Variants in FGF12 observed in about 807,000 individuals in gnomAD.
FGF12 encodes the protein fibroblast growth factor 12, also known as fibroblast growth factor 12B.
In FGF12, 14 loss-of-function variants were observed where a neutral mutation model predicts 23.6. That is an observed-to-expected ratio of 0.59 (90% confidence interval 0.39 to 0.93). FGF12 has a LOEUF of 0.93. Among genes scored for constraint, FGF12 ranks in the 40% least tolerant of loss-of-function variants. FGF12 has a pLI of 0.00. For missense variants in FGF12, 175 were observed against 217.8 expected, an observed-to-expected ratio of 0.80 and a Z score of 1.24; for synonymous variants, 62 against 77.3, an observed-to-expected ratio of 0.80 and a Z score of 1.04.
intron 2 of FGF12, among the ~76,000 whole-genome samples, chr3:192,590,615 T>C (rs1433527625): frequency 1.3e-5 from 2 of 151,934 alleles, no homozygotes; most frequent in Non-Finnish European, 2.9e-5. Flanking sequence ...TATTTCTACA[T>C]CCATCTTTAA....
At chr3:192,327,515 A>G (rs1716880671) in intron 4 of FGF12, among the ~76,000 whole-genome samples, 1 of 151,938 alleles carries the variant, frequency 6.6e-6, no homozygotes, top group Admixed American at 6.6e-5. Context: ...TGGACAATAA[A>G]TAGTCTAAGT....
intron 2 of FGF12, among the ~76,000 whole-genome samples, chr3:192,439,933 G>A (rs371897634): frequency 2.5e-4 from 37 of 149,566 alleles, no homozygotes; most frequent in African/African-American, 4.0e-4. Flanking sequence ...CTGAGATCGC[G>A]CCACTGCATT....
At chr3:192,226,492 A>C (rs1366011537) in intron 4 of FGF12, among the ~76,000 whole-genome samples, 1 of 152,170 alleles carries the variant, frequency 6.6e-6, no homozygotes, top group Non-Finnish European at 1.5e-5. Context: ...ATAAGTAAGC[A>C]CACATCTATG....
intron 2 of FGF12, among the ~76,000 whole-genome samples, chr3:192,644,562 CTGT>C (rs1715930867): frequency 6.6e-6 from 1 of 152,124 alleles, no homozygotes; most frequent in South Asian, 2.1e-4. Flanking sequence ...ACCTAGGACA[CTGT>C]TGTTACTTCT....
At chr3:192,231,340 C>T (rs764869965) in intron 4 of FGF12, among the ~76,000 whole-genome samples, 2 of 151,924 alleles carry the variant, frequency 1.3e-5, no homozygotes, top group Non-Finnish European at 2.9e-5. Flanking sequence ...ACATCAACAA[C>T]GAGAAAAGAG....
chr3:192,466,482 T>C (rs956807704), intron 2 of FGF12, among the ~76,000 whole-genome samples: 1 of 152,162 alleles, frequency 6.6e-6, no homozygotes, highest in Non-Finnish European at 1.5e-5. Flanking sequence ...ACCTCTCAAA[T>C]GTATTTGCTG....
intron 2 of FGF12, among the ~76,000 whole-genome samples, chr3:192,717,674 C>T (rs932311733): frequency 2.6e-5 from 4 of 152,098 alleles, no homozygotes; most frequent in South Asian, 4.1e-4. Flanking sequence ...ATAATTCAAT[C>T]GTCATTATCC....
chr3:192,620,852 A>C (rs1176020673), intron 2 of FGF12, among the ~76,000 whole-genome samples: 1 of 152,138 alleles, frequency 6.6e-6, no homozygotes, highest in Non-Finnish European at 1.5e-5. Flanking sequence ...ATGGCAGCTC[A>C]CAAAGGAGAC....
intron 4 of FGF12, among the ~76,000 whole-genome samples, chr3:192,239,114 T>C (rs546639743): frequency 6.6e-6 from 1 of 152,332 alleles, no homozygotes; most frequent in East Asian, 1.9e-4. Context: ...GTGTAACATG[T>C]AGAAGTGTAC....
At chr3:192,349,676 C>T (rs1185282755) in intron 3 of FGF12, among the ~76,000 whole-genome samples, 1 of 152,034 alleles carries the variant, frequency 6.6e-6, no homozygotes, top group Non-Finnish European at 1.5e-5. Context: ...ATAGAATTCA[C>T]TTTTCCAGAC....
At position 192,405,871 on chromosome 3, in the gene FGF12, C is replaced by T. The variant is rs190638730; in HGVS notation, c.14-45333G>A. Among the ~76,000 whole-genome samples the T allele has an allele frequency of 2.6e-5, 4 of 152,324 alleles. No individual in the cohort carries two copies. In the East Asian group the frequency reaches 7.7e-4, roughly 29 times the overall value. On this transcript the variant is annotated intron_variant, in intron 2 of 5. Coordinates refer to ENST00000445105, the MANE Select transcript of FGF12 (RefSeq NM_004113.6). ...ATCATCTTCCCAAAATGTTTTTACA[C>T]ACACCACATGCCCATTCTTCTAAGC...
intron 2 of FGF12, among the ~76,000 whole-genome samples, chr3:192,531,647 T>C (rs1725092542): frequency 6.6e-6 from 1 of 152,230 alleles, no homozygotes; most frequent in Non-Finnish European, 1.5e-5. Flanking sequence ...ATACTTTTCT[T>C]AAAGGTGAAA....
At chr3:192,368,507 T>C (rs1443844840) in intron 2 of FGF12, among the ~76,000 whole-genome samples, 1 of 152,080 alleles carries the variant, frequency 6.6e-6, no homozygotes, top group African/African-American at 2.4e-5. Context: ...TAAGGATATC[T>C]AACAGAAATA....
chr3:192,586,658 C>G (rs1713385057), intron 2 of FGF12, among the ~76,000 whole-genome samples: 1 of 152,122 alleles, frequency 6.6e-6, no homozygotes, highest in Non-Finnish European at 1.5e-5. Flanking sequence ...AAGAAGCCAG[C>G]AAGGAAGGCT....
At chr3:192,253,040 G>T in intron 4 of FGF12, among the ~76,000 whole-genome samples, 1 of 152,050 alleles carries the variant, frequency 6.6e-6, no homozygotes, top group East Asian at 1.9e-4. Context: ...TGGATCCAGA[G>T]GTTATTTCTG....
intron 2 of FGF12, among the ~76,000 whole-genome samples, chr3:192,437,670 G>A (rs13319998): frequency 0.058 from 8,861 of 151,540 alleles, 315 homozygotes; most frequent in African/African-American, 0.096. Context: ...CAGCCTGGGC[G>A]ACAAAGCAAG....
chr3:192,587,478 C>T (rs1256883626), intron 2 of FGF12, among the ~76,000 whole-genome samples: 1 of 151,802 alleles, frequency 6.6e-6, no homozygotes, highest in East Asian at 1.9e-4. Flanking sequence ...CTTATGTTTA[C>T]ATATAATAAC....
At chr3:192,702,867 G>A (rs1432641150) in intron 2 of FGF12, among the ~76,000 whole-genome samples, 1 of 152,122 alleles carries the variant, frequency 6.6e-6, no homozygotes, top group Non-Finnish European at 1.5e-5. Context: ...AAATTTTAAA[G>A]AGTTGATTAC....
At position 192,286,949 on chromosome 3, in the gene FGF12, A is replaced by G. The variant is rs557882594; in HGVS notation, c.228+48412T>C. ...ATGTTTTCTTCAGGGTTTACATCCT[A>G]TGCAATTCTAAGATAATAAGGCAAT... On this transcript the variant is annotated intron_variant, in intron 4 of 5. Transcript: ENST00000445105. Among the ~76,000 whole-genome samples, 5 of 152,166 alleles carry G rather than the reference A, an allele frequency of 3.3e-5. No homozygotes were observed. The East Asian group carries it at 9.7e-4, about 29-fold the overall frequency.
Sources: gnomAD v4.1 joint callset for allele counts (sites outside exome capture counted in the v4.1 genomes callset) on GRCh38, gnomAD v4.1.1 for gene constraint, MANE v1.5 for transcripts, NCBI Gene and HGNC (gene_info 2026-07-23, HGNC 2026-07-21) for gene names.